PDE2A: variants seen among roughly 807,000 people sequenced by gnomAD.
PDE2A encodes phosphodiesterase 2A.
PDE2A carries 53 observed loss-of-function variants against 133.6 expected under a neutral mutation model. That is an observed-to-expected ratio of 0.40 (90% CI 0.32 to 0.50). The LOEUF is 0.50. PDE2A is among the 20% of genes least tolerant of loss of function. PDE2A has a pLI of 0.73. For missense variants in PDE2A, 796 were observed against 1,232.4 expected (o/e 0.65, Z 5.30); for synonymous variants, 491 against 490.2 (o/e 1.00, Z -0.02).
chr11:72,603,664 GA>G (rs1347179302), intron 4 of PDE2A, among the ~76,000 whole-genome samples: 3 of 152,232 alleles, frequency 2.0e-5, no homozygotes, highest in Admixed American at 6.5e-5. Flanking sequence ...AGGGGGACAT[GA>G]CCACATTTTT....
intron 2 of PDE2A, among the ~76,000 whole-genome samples, chr11:72,625,800 G>GC (rs1205798697): frequency 6.6e-6 from 1 of 152,204 alleles, no homozygotes; most frequent in Non-Finnish European, 1.5e-5. Context: ...CAAGGGCGCT[G>GC]CCAAGCTCCC....
Position 72,590,650 on chromosome 11 carries a change from G to C in PDE2A, c.550-70C>G, listed in dbSNP as rs1286352682. ...CTGCGCTTGCTGCAGCGGGATTCCT[G>C]CCTTTGCTCCCGCCGTTCCCTCTGC... On this transcript the variant is annotated intron_variant, in intron 7 of 30. Coordinates refer to ENST00000334456, the MANE Select transcript of PDE2A (RefSeq NM_002599.5). This position sits in a 1 kb window ranked among gnomAD's most constrained non-coding sequence, Gnocchi z 4.8. 39 of 1,295,278 alleles carry C rather than the reference G, an allele frequency of 3.0e-5. No individual in the cohort carries two copies. The highest frequency in any genetic ancestry group is 3.8e-5 in the Non-Finnish European group (39 of 1,015,246). 80.2% of individuals were successfully genotyped at this position (1,295,278 alleles called of 1,614,324 possible).
At chr11:72,584,356 G>A in intron 18 of PDE2A, 43 bp from the exon 19 acceptor site, 3 of 1,384,046 alleles carry the variant, frequency 2.2e-6, no homozygotes, top group Non-Finnish European at 3.1e-6. Flanking sequence ...TGGAGGGAGG[G>A]ATCGGTTGGA....
At chr11:72,622,766 T>G (rs1857843337) in intron 2 of PDE2A, among the ~76,000 whole-genome samples, 1 of 152,284 alleles carries the variant, frequency 6.6e-6, no homozygotes, top group Admixed American at 6.5e-5. Flanking sequence ...TTCCAGAGAT[T>G]GGTTGCAAAA....
chr11:72,584,690 C>T lies in PDE2A; in HGVS notation c.1398G>A (p.Ala466=), dbSNP rs150054293. 4,213 of 1,613,372 alleles carry T rather than the reference C, an allele frequency of 2.6e-3. 16 individuals are homozygous for T. Among genetic ancestry groups the T allele is most frequent in the Non-Finnish European group, 3.2e-3 (3,816 of 1,180,012 alleles). The change falls in exon 18 of 31, where the codon GCG becomes GCA. Residue 466 remains alanine (A), a synonymous_variant. Coordinates refer to ENST00000334456, the MANE Select transcript of PDE2A (RefSeq NM_002599.5). The part of the protein sequence containing the change: ...EIRIPADQGI[A]GHVATTGQIL... ...TCTGGCCCGTGGTCGCCACGTGTCCCGCGATGCCCTGATCGGCCGGGATGC... is the reference window on the plus strand; with the variant it reads ...TCTGGCCCGTGGTCGCCACGTGTCCTGCGATGCCCTGATCGGCCGGGATGC...
chr11:72,665,924 C>T (rs757907164), intron 1 of PDE2A, among the ~76,000 whole-genome samples: 11 of 150,788 alleles, frequency 7.3e-5, no homozygotes, highest in African/African-American at 2.4e-4. Context: ...AAAAAAAACA[C>T]GAAAAAAAAA....
At chr11:72,586,863 G>T (rs778409953) in intron 13 of PDE2A, among the ~76,000 whole-genome samples, 24 of 152,296 alleles carry the variant, frequency 1.6e-4, no homozygotes, top group East Asian at 1.9e-4. Flanking sequence ...TGGCCTTGGT[G>T]CTCCACCCTG....
intron 2 of PDE2A, among the ~76,000 whole-genome samples, chr11:72,639,034 C>T (rs548345269): frequency 6.6e-6 from 1 of 152,344 alleles, no homozygotes; most frequent in Admixed American, 6.5e-5. Context: ...GCATCGACCC[C>T]AGCCCCTTCC....
chr11:72,661,950 T>C lies in PDE2A; in HGVS notation c.71+12187A>G, dbSNP rs569909716. Among the ~76,000 whole-genome samples the C allele has an allele frequency of 1.2e-4, 18 of 152,338 alleles. No individual in the cohort carries two copies. In the East Asian group the frequency reaches 3.5e-3, roughly 29 times the overall value. ...TCAGCATCTGTTGGTGTCTGTGTTG[T>C]GTGTGTACTGTGGGTCTCTGTCTGT... is the stretch of plus-strand genomic sequence containing the variant. On this transcript the variant is annotated intron_variant, in intron 1 of 30. Coordinates refer to ENST00000334456, the MANE Select transcript of PDE2A (RefSeq NM_002599.5).
At chr11:72,656,971 G>A (rs1591135498) in intron 1 of PDE2A, among the ~76,000 whole-genome samples, 1 of 152,052 alleles carries the variant, frequency 6.6e-6, no homozygotes, top group Non-Finnish European at 1.5e-5. Context: ...AGTCCTTCTC[G>A]AGCCTCGATT....
chr11:72,631,082 A>T, intron 2 of PDE2A: 1 of 1,516,820 alleles, frequency 6.6e-7, no homozygotes, highest in South Asian at 1.2e-5. Flanking sequence ...TCTCACCTCC[A>T]GTCGGTCGTC....
chr11:72,597,452 AG>A lies in PDE2A; in HGVS notation c.433+57del. On this transcript the variant is annotated intron_variant, in intron 5 of 30. Coordinates refer to ENST00000334456, the MANE Select transcript of PDE2A (RefSeq NM_002599.5). The surrounding 1 kb of genome is among the most constrained non-coding windows in gnomAD (Gnocchi z 4.6). ...AGAAGACACACATGACCTGGAGTGCAGGGGCCACAGTCCCTCCCTGCCCCTG... is the reference window on the plus strand; with the variant it reads ...AGAAGACACACATGACCTGGAGTGCAGGGCCACAGTCCCTCCCTGCCCCTG... 1 of 959,278 alleles carries A rather than the reference AG, an allele frequency of 1.0e-6. No homozygotes were observed. Among genetic ancestry groups the A allele is most frequent in the Admixed American group, 1.8e-5 (1 of 55,372 alleles). The allele number at this position is 959,278 out of a possible 1,614,324, so 59.4% of individuals were successfully genotyped here. A position where few individuals can be genotyped will look rare whatever the true frequency, so the allele number is the denominator to read the frequency against.
chr11:72,586,088 T>C lies in PDE2A; in HGVS notation c.1164A>G (p.Lys388=). 1.9e-6 allele frequency: 3 copies of C among 1,608,994 alleles called. No homozygotes were observed. The highest frequency in any genetic ancestry group is 2.5e-6 in the Non-Finnish European group (3 of 1,176,708). Reference sequence around the variant, plus strand: ...CACTCACCTGGCACTCACACTTGAGTTTCTGTTCCTTCTGGAAGGCCAGGG... The same window carrying C: ...CACTCACCTGGCACTCACACTTGAGCTTCTGTTCCTTCTGGAAGGCCAGGG... The part of the protein sequence containing the change: ...TSTLAFQKEQ[K]LKCECQALLQ... The change falls in exon 14 of 31, where the codon AAA becomes AAG. Residue 388 remains lysine (K), a synonymous_variant. Transcript: ENST00000334456.
chr11:72,605,085 C>T (rs1176969562), intron 4 of PDE2A, 53 bp downstream of exon 4: 2 of 1,197,412 alleles, frequency 1.7e-6, no homozygotes, highest in Non-Finnish European at 2.5e-6. Flanking sequence ...TGCCTCAGCC[C>T]TGAGAATCCT....
rs1453275093 is a variant in PDE2A at position 72,589,062 on chromosome 11, C to T, written c.939+113G>A. 4.1e-6 allele frequency: 5 copies of T among 1,230,134 alleles called. No homozygotes were observed. In the African/African-American group the frequency reaches 7.4e-5, roughly 18 times the overall value. 76.2% of individuals were successfully genotyped at this position (1,230,134 alleles called of 1,614,324 possible). On this transcript the variant is annotated intron_variant, in intron 12 of 30. Transcript: ENST00000334456. ...TCATGGAGATGGGACAGTAGAAAGT[C>T]CCCAGGTCTTATCTGCCCCATTCCT...
chr11:72,612,045 C>CTCAAG (rs1474103813), intron 2 of PDE2A, among the ~76,000 whole-genome samples: 1 of 152,100 alleles, frequency 6.6e-6, no homozygotes, highest in Non-Finnish European at 1.5e-5. Context: ...GGGAGCAAGG[C>CTCAAG]TCAAGTCAGG....
In PDE2A at chr11:72,619,784, G is replaced by A. The variant is rs1244510166; in HGVS notation, c.145-11033C>T. On this transcript the variant is annotated intron_variant, in intron 2 of 30. Coordinates refer to ENST00000334456, the MANE Select transcript of PDE2A (RefSeq NM_002599.5). ...GCGCACCCCTGTCACTTCTCCCATC[G>A]CCTCCCTCAGATGCGGGCTCATCTG... Among the ~76,000 whole-genome samples the A allele has an allele frequency of 4.6e-5, 7 of 152,182 alleles. No homozygotes were observed. In the East Asian group the frequency reaches 7.7e-4, roughly 17 times the overall value.
rs149266785 is a variant in PDE2A, at chr11:72,634,870, T to A, written c.144+7384A>T. On this transcript the variant is annotated intron_variant, in intron 2 of 30. Transcript: ENST00000334456. ...AGGGTGCTGATGGGACCCCACTGGC[T>A]GTCCTGGCCTCTGCCCTTGTCTGAG... Among the ~76,000 whole-genome samples the A allele has an allele frequency of 1.8e-3, 275 of 152,366 alleles. 2 individuals carry two copies. Among genetic ancestry groups the A allele is most frequent in the African/African-American group, 6.4e-3 (268 of 41,584 alleles).
Position 72,652,933 on chromosome 11 carries a change from C to A in PDE2A, c.72-10607G>T, listed in dbSNP as rs185945613. On this transcript the variant is annotated intron_variant, in intron 1 of 30. Transcript: ENST00000334456. Reference sequence around the variant, plus strand: ...GAGACCACAGTCCCCTCCTCTCTTGCCTCCTCAAGTTGGAGGCAACCTAGA... The same window carrying A: ...GAGACCACAGTCCCCTCCTCTCTTGACTCCTCAAGTTGGAGGCAACCTAGA... Among the ~76,000 whole-genome samples, 8 of 152,354 alleles carry A rather than the reference C, an allele frequency of 5.3e-5. No individual in the cohort carries two copies. The East Asian group carries it at 1.5e-3, about 29-fold the overall frequency.
Sources: gnomAD v4.1 joint callset for allele counts (sites outside exome capture counted in the v4.1 genomes callset) on GRCh38, gnomAD v4.1.1 for gene constraint, Gnocchi (gnomAD v3.1) non-coding constraint, MANE v1.5 for transcripts, NCBI Gene and HGNC (gene_info 2026-07-23, HGNC 2026-07-21) for gene names.